ROBO1: variants seen among roughly 807,000 people sequenced by gnomAD.
ROBO1 encodes roundabout homolog 1.
ROBO1 carries 149 observed loss-of-function variants against 195.9 expected under a neutral mutation model. The ratio of observed to expected loss-of-function variants is 0.76; its 90% confidence interval spans 0.67 to 0.87. The LOEUF is 0.87. Among genes scored for constraint, ROBO1 ranks in the 40% least tolerant of loss-of-function variants. ROBO1 has a pLI of 0.00. For missense variants in ROBO1, 1,933 were observed against 2,068.3 expected, an observed-to-expected ratio of 0.93 and a Z score of 1.27; for synonymous variants, 816 against 733.2, an observed-to-expected ratio of 1.11 and a Z score of -1.82.
intron 1 of ROBO1, among the ~76,000 whole-genome samples, chr3:79,706,662 G>T (rs1322690594): frequency 6.6e-6 from 1 of 151,988 alleles, no homozygotes; most frequent in Non-Finnish European, 1.5e-5. Flanking sequence ...TTTTATGGGG[G>T]CGGGGGTAGT....
chr3:78,962,125 C>G (rs2041382534), intron 3 of ROBO1, among the ~76,000 whole-genome samples: 2 of 152,190 alleles, frequency 1.3e-5, no homozygotes, highest in Admixed American at 1.3e-4. Context: ...AACAAATAAT[C>G]CCCTCTCACT....
chr3:78,723,749 T>C (rs550550660), intron 5 of ROBO1, among the ~76,000 whole-genome samples: 2 of 152,238 alleles, frequency 1.3e-5, no homozygotes, highest in East Asian at 3.9e-4. Flanking sequence ...TGACTCAAAC[T>C]GTCTATAACG....
At chr3:78,683,477 A>G (rs2080979236) in intron 10 of ROBO1, among the ~76,000 whole-genome samples, 2 of 152,198 alleles carry the variant, frequency 1.3e-5, no homozygotes, top group East Asian at 3.9e-4. Context: ...AAAACAAGGA[A>G]AGAAAGGTGG....
intron 3 of ROBO1, among the ~76,000 whole-genome samples, chr3:79,058,521 C>T (rs186771562): frequency 2.1e-3 from 326 of 152,178 alleles, no homozygotes; most frequent in African/African-American, 7.6e-3. Flanking sequence ...ATTGTCCCCA[C>T]TACCGTCCCC....
chr3:78,984,248 A>T (rs1035824335), intron 3 of ROBO1, among the ~76,000 whole-genome samples: 3 of 152,126 alleles, frequency 2.0e-5, no homozygotes, highest in Non-Finnish European at 4.4e-5. Context: ...ACTTTAAAGA[A>T]AGGGAAATGG....
chr3:79,757,510 C>CATATAT (rs145729181), intron 1 of ROBO1, among the ~76,000 whole-genome samples: 2 of 70,582 alleles, frequency 2.8e-5, no homozygotes, highest in South Asian at 4.0e-4. Context: ...TCTCTCTCTC[C>CATATAT]ATATATATAT....
At chr3:79,202,342 C>T (rs1236328725) in intron 2 of ROBO1, among the ~76,000 whole-genome samples, 1 of 152,004 alleles carries the variant, frequency 6.6e-6, no homozygotes, top group African/African-American at 2.4e-5. Context: ...GGATTTTACA[C>T]ATGAAGCCTA....
chr3:78,890,755 T>C (rs1382022138), intron 4 of ROBO1, among the ~76,000 whole-genome samples: 1 of 152,178 alleles, frequency 6.6e-6, no homozygotes, highest in East Asian at 1.9e-4. Context: ...TTTTTATTTG[T>C]TTATTGACTT....
At chr3:79,484,753 A>ATATTTTTTTTTTTTTTT (rs1402757273) in intron 2 of ROBO1, among the ~76,000 whole-genome samples, 1 of 17,700 alleles carries the variant, frequency 5.6e-5, no homozygotes, top group African/African-American at 3.2e-4. Flanking sequence ...TCATTGCACT[A>ATATTTTTTTTTTTTTTT]TCTTTTTTTT....
chr3:78,849,753 T>C (rs1163208268), intron 4 of ROBO1, among the ~76,000 whole-genome samples: 5 of 151,780 alleles, frequency 3.3e-5, no homozygotes, highest in Non-Finnish European at 7.4e-5. Context: ...TAATTCATGA[T>C]TTTCAAATAT....
chr3:78,677,765 C>G lies in ROBO1; in HGVS notation c.1343-7464G>C, dbSNP rs560670646. Reference sequence around the variant, plus strand: ...CCACTGTCAACATTAGACAGATCGACAAGACAGAAAGTTAACAAGCATACC... The same window carrying G: ...CCACTGTCAACATTAGACAGATCGAGAAGACAGAAAGTTAACAAGCATACC... On this transcript the variant is annotated intron_variant, in intron 10 of 30. Coordinates refer to ENST00000464233, the MANE Select transcript of ROBO1 (RefSeq NM_002941.4). 1.7e-4 allele frequency among the ~76,000 whole-genome samples: 26 copies of G among 152,230 alleles called. No homozygotes were observed. In the East Asian group the frequency reaches 4.3e-3, roughly 25 times the overall value.
intron 4 of ROBO1, among the ~76,000 whole-genome samples, chr3:78,931,466 G>A (rs913389949): frequency 2.6e-5 from 4 of 151,720 alleles, no homozygotes; most frequent in African/African-American, 4.8e-5. Flanking sequence ...GGCTGGTGTC[G>A]AAGTCTTAAC....
At chr3:78,824,297 A>C (rs923770904) in intron 4 of ROBO1, among the ~76,000 whole-genome samples, 5 of 152,184 alleles carry the variant, frequency 3.3e-5, no homozygotes, top group Non-Finnish European at 7.4e-5. Flanking sequence ...GGCAAAAACC[A>C]CGACTACTTT....
chr3:79,111,778 G>A (rs927275698), intron 3 of ROBO1, among the ~76,000 whole-genome samples: 5 of 152,144 alleles, frequency 3.3e-5, no homozygotes, highest in African/African-American at 1.2e-4. Flanking sequence ...CTGGATACAA[G>A]GGCTAGTTCA....
intron 8 of ROBO1, among the ~76,000 whole-genome samples, chr3:78,703,888 T>G (rs965265087): frequency 1.5e-4 from 23 of 152,074 alleles, no homozygotes; most frequent in African/African-American, 5.3e-4. Flanking sequence ...GTGACTTTAG[T>G]GGGCATCTGT....
intron 2 of ROBO1, among the ~76,000 whole-genome samples, chr3:79,359,361 C>A (rs1039865431): frequency 4.0e-5 from 6 of 151,880 alleles, no homozygotes; most frequent in African/African-American, 1.4e-4. Context: ...AAATTCTGGA[C>A]AATAAACATT....
Position 79,232,258 on chromosome 3 carries a change from A to ATATAT in ROBO1, c.89-106720_89-106719insATATA, listed in dbSNP as rs200529854. ...CATCCTCCTTGATTTAAAAAAAAAA[A>ATATAT]AAATATATATATATAAAATCTCTCT... is the stretch of plus-strand genomic sequence containing the variant. On this transcript the variant is annotated intron_variant, in intron 2 of 30. Transcript: ENST00000464233. Among the ~76,000 whole-genome samples the ATATAT allele has an allele frequency of 6.5e-4, 97 of 148,588 alleles. 2 individuals are homozygous for ATATAT. The highest frequency in any genetic ancestry group is 2.1e-3 in the Admixed American group (31 of 14,994).
chr3:79,521,994 A>G (rs1368010445), intron 2 of ROBO1, among the ~76,000 whole-genome samples: 1 of 152,210 alleles, frequency 6.6e-6, no homozygotes, highest in Non-Finnish European at 1.5e-5. Flanking sequence ...CAAAGGAAGT[A>G]GGATTGTCAT....
intron 2 of ROBO1, among the ~76,000 whole-genome samples, chr3:79,345,990 T>A (rs1003757653): frequency 2.0e-5 from 3 of 152,200 alleles, no homozygotes; most frequent in Admixed American, 1.3e-4. Flanking sequence ...GTAAACACAC[T>A]GAAATATTTC....
Sources: gnomAD v4.1 joint callset for allele counts (sites outside exome capture counted in the v4.1 genomes callset) on GRCh38, gnomAD v4.1.1 for gene constraint, MANE v1.5 for transcripts, NCBI Gene and HGNC (gene_info 2026-07-23, HGNC 2026-07-21) for gene names.